Variants in NFXL1 observed in about 807,000 individuals in gnomAD.
NFXL1 encodes the protein nuclear transcription factor, X-box binding like 1.
Under a neutral mutation model 123.3 loss-of-function variants are expected in NFXL1, and 66 were observed. That is an observed-to-expected ratio of 0.54 (90% confidence interval 0.44 to 0.66). The LOEUF (loss-of-function observed/expected upper bound fraction) is 0.66. Ranked by LOEUF, NFXL1 falls within the 30% of genes least tolerant of loss-of-function variation. The pLI is 0.00. For synonymous variants in NFXL1, 346 were observed against 360.8 expected (o/e 0.96, Z 0.46); for missense variants, 944 against 1,125.6 (o/e 0.84, Z 2.31).
Position 47,903,310 on chromosome 4 carries a change from G to A in NFXL1, c.530C>T (p.Ser177Leu), listed in dbSNP as rs112030178. Residue 177 changes from serine (S) to leucine (L), a missense_variant, in exon 5 of 23, where the codon TCG becomes TTG. By Grantham distance (145) the Ser-to-Leu change is moderately radical (BLOSUM62 -2). Transcript: ENST00000507489. ...VKRNQAVWSC[S>L]GCFCIFHMPC... The stretch of plus-strand genomic sequence containing the variant: ...CATGTGAAATATACAGAAACATCCC[G>A]AACAGCTCCAAACCTAAGACAAATG... The A allele has an allele frequency of 2.0e-4, 310 of 1,556,168 alleles. No individual in the cohort carries two copies. The African/African-American group carries it at 2.4e-3, about 12-fold the overall frequency.
At position 47,890,592 on chromosome 4, in the gene NFXL1, ATAGCTATTAT is replaced by A; in HGVS notation, c.1543+11_1543+20del. On this transcript the variant is annotated intron_variant, in intron 12 of 22. Transcript: ENST00000507489. ...ACTACATCACTACAAACATAAAATC[ATAGCTATTAT>A]TAAAGTTTACCTCTGTGACAGACAG... 7.8e-7 allele frequency: 1 copy of A among 1,282,594 alleles called. No homozygotes were observed. Among genetic ancestry groups the A allele is most frequent in the Non-Finnish European group, 1.1e-6 (1 of 882,196 alleles). 79.5% of individuals were successfully genotyped at this position (1,282,594 alleles called of 1,614,324 possible).
intron 20 of NFXL1, among the ~76,000 whole-genome samples, chr4:47,854,815 T>C (rs991579914): frequency 1.6e-4 from 25 of 151,926 alleles, no homozygotes; most frequent in Admixed American, 1.6e-3. Context: ...ATAATTTTCC[T>C]TTTACTGTTA....
At chr4:47,877,777 TAA>T (rs1207580674) in intron 17 of NFXL1, among the ~76,000 whole-genome samples, 17 of 152,054 alleles carry the variant, frequency 1.1e-4, no homozygotes, top group Admixed American at 9.2e-4. Flanking sequence ...TTCAATAACA[TAA>T]GTCATATTAA....
rs921595879 is a variant in NFXL1, at chr4:47,914,400, G to A, written c.-38C>T. The A allele has an allele frequency of 5.6e-6, 3 of 540,432 alleles. No individual in the cohort carries two copies. The highest frequency in any genetic ancestry group is 9.9e-6 in the Non-Finnish European group (3 of 303,840). 33.5% of individuals were successfully genotyped at this position (540,432 alleles called of 1,614,324 possible). ...GTCCCCGCCAAGCCCGGGCTTTGGA[G>A]ATGGACCGAAGAGGGGAGGGAGGAC... On this transcript the variant is annotated 5_prime_UTR_variant, in exon 1 of 23. Coordinates refer to ENST00000507489, the MANE Select transcript of NFXL1 (RefSeq NM_001278624.2).
intron 12 of NFXL1, among the ~76,000 whole-genome samples, 176 bp downstream of exon 12, chr4:47,890,437 T>C (rs2110086852): frequency 6.6e-6 from 1 of 152,274 alleles, no homozygotes; most frequent in South Asian, 2.1e-4. Flanking sequence ...TCAACCTCTT[T>C]GCCTATAAAA....
intron 15 of NFXL1, among the ~76,000 whole-genome samples, chr4:47,880,137 T>A (rs4695297): frequency 0.039 from 5,923 of 152,048 alleles, 386 homozygotes; most frequent in African/African-American, 0.14. Context: ...GGCTCACACC[T>A]GTAATCCCTA....
At position 47,884,318 on chromosome 4, in the gene NFXL1, T is replaced by G. The variant is rs750211769; in HGVS notation, c.1916+28A>C. On this transcript the variant is annotated intron_variant, in intron 15 of 22. Transcript: ENST00000507489. ...GCTATGTCAAAAGTTTTTTGTTTTT[T>G]TTTTTTAATTGAAATTCTAATACTT... is the stretch of plus-strand genomic sequence containing the variant. The G allele has an allele frequency of 5.0e-6, 7 of 1,390,042 alleles. No homozygotes were observed. The East Asian group carries it at 1.1e-4, about 23-fold the overall frequency. The allele number at this position is 1,390,042 out of a possible 1,614,324, so 86.1% of individuals were successfully genotyped here. A position where few individuals can be genotyped will look rare whatever the true frequency, so the allele number is the denominator to read the frequency against.
chr4:47,878,651 T>C lies in NFXL1; in HGVS notation c.1953A>G (p.Pro651=), dbSNP rs753360719. ...CLGKHEVSPL[P]CHAVGPYSCK... Reference sequence around the variant, plus strand: ...AAGAGTAGGGTCCTACAGCATGGCATGGTAGTGGACTCACCTTAAAAAATA... The same window carrying C: ...AAGAGTAGGGTCCTACAGCATGGCACGGTAGTGGACTCACCTTAAAAAATA... Residue 651 remains proline, a synonymous_variant, in exon 17 of 23, where the codon CCA becomes CCG. Coordinates refer to ENST00000507489, the MANE Select transcript of NFXL1 (RefSeq NM_001278624.2). 1.9e-6 allele frequency: 3 copies of C among 1,585,636 alleles called. No individual in the cohort carries two copies. In the Admixed American group the frequency reaches 5.5e-5, roughly 29 times the overall value.
At chr4:47,869,721 TAATAA>T (rs1197868594) in intron 18 of NFXL1, among the ~76,000 whole-genome samples, 5 of 152,012 alleles carry the variant, frequency 3.3e-5, no homozygotes, top group South Asian at 4.1e-4. Context: ...TTAAAGGAAA[TAATAA>T]AATAAGAGCA....
At chr4:47,907,728 A>C (rs1224048417) in intron 3 of NFXL1, among the ~76,000 whole-genome samples, 2 of 152,254 alleles carry the variant, frequency 1.3e-5, no homozygotes, top group Non-Finnish European at 2.9e-5. Flanking sequence ...ACCAGATTAA[A>C]AATTAATAAA....
At chr4:47,868,300 C>CA (rs1389169348) in intron 18 of NFXL1, among the ~76,000 whole-genome samples, 22 of 140,986 alleles carry the variant, frequency 1.6e-4, no homozygotes, top group African/African-American at 5.3e-4. Flanking sequence ...GCCTGGGTGA[C>CA]AGAGCGAGAC....
chr4:47,904,300 G>A (rs533939572), intron 4 of NFXL1, among the ~76,000 whole-genome samples: 1 of 152,312 alleles, frequency 6.6e-6, no homozygotes, highest in East Asian at 1.9e-4. Flanking sequence ...ACTCCCTGTG[G>A]TGCAATGTTG....
At chr4:47,912,365 A>G (rs572111129) in intron 2 of NFXL1, among the ~76,000 whole-genome samples, 4 of 152,314 alleles carry the variant, frequency 2.6e-5, no homozygotes, top group African/African-American at 9.6e-5. Flanking sequence ...CTCAAAGTAA[A>G]GAGAAGCTGA....
chr4:47,884,956 A>G (rs1736335937), intron 14 of NFXL1, among the ~76,000 whole-genome samples: 1 of 151,660 alleles, frequency 6.6e-6, no homozygotes. Context: ...CTGAAACCCC[A>G]TCTCTACTAA....
chr4:47,914,131 C>A lies in NFXL1; in HGVS notation c.73G>T (p.Gly25Ter). Reference sequence around the variant, plus strand: ...GCGCCGCGGAGATGGACTCCATTTCCTGAGGGGGCGGCAGTGGCCCGTCCC... The same window carrying A: ...GCGCCGCGGAGATGGACTCCATTTCATGAGGGGGCGGCAGTGGCCCGTCCC... ...SRGRATAAPSGNGVHLRGAGG... is the reference protein window; with the variant it reads ...SRGRATAAPS The change falls in exon 2 of 23, where the codon GGA becomes TGA. Residue 25 changes from glycine to a stop codon, truncating the protein, a stop_gained. Coordinates refer to ENST00000507489, the MANE Select transcript of NFXL1 (RefSeq NM_001278624.2). LOFTEE classifies it high-confidence loss of function. 6.4e-7 allele frequency: 1 copy of A among 1,553,972 alleles called. No individual in the cohort carries two copies. The highest frequency in any genetic ancestry group is 2.4e-5 in the East Asian group (1 of 41,280).
intron 18 of NFXL1, among the ~76,000 whole-genome samples, chr4:47,867,888 A>G (rs6854694): frequency 0.017 from 2,591 of 152,352 alleles, 73 homozygotes; most frequent in African/African-American, 0.059. Context: ...AATGTTTAAG[A>G]ATTAAGCATT....
intron 9 of NFXL1, 32 bp downstream of exon 9, chr4:47,897,935 C>T (rs1336849084): frequency 2.3e-6 from 3 of 1,330,576 alleles, no homozygotes; most frequent in East Asian, 4.7e-5. Flanking sequence ...CAGATCATTT[C>T]CTATATAAAT....
intron 12 of NFXL1, 117 bp downstream of exon 12, chr4:47,890,496 C>G: frequency 1.6e-6 from 1 of 620,344 alleles, no homozygotes; most frequent in Non-Finnish European, 2.8e-6. Context: ...TTAAGAGAGT[C>G]AAGTGAGATA....
chr4:47,910,756 C>T (rs1373409926), intron 3 of NFXL1, 68 bp downstream of exon 3: 1 of 937,550 alleles, frequency 1.1e-6, no homozygotes. Flanking sequence ...AGAACAAAGG[C>T]ATTACCAAAA....
Sources: gnomAD v4.1 joint callset for allele counts (sites outside exome capture counted in the v4.1 genomes callset) on GRCh38, gnomAD v4.1.1 for gene constraint, MANE v1.5 for transcripts, NCBI Gene and HGNC (gene_info 2026-07-23, HGNC 2026-07-21) for gene names.